Variants in ITPR1 observed in about 807,000 individuals in gnomAD.
The protein encoded by ITPR1 is inositol 1,4,5-trisphosphate receptor type 1, also known as inositol 1,4,5-trisphosphate-gated calcium channel ITPR1.
ITPR1 carries 96 observed loss-of-function variants against 318.4 expected under a neutral mutation model. The ratio of observed to expected loss-of-function variants is 0.30; its 90% CI spans 0.26 to 0.36. The LOEUF is 0.36. Among genes scored for constraint, ITPR1 ranks in the 10% least tolerant of loss-of-function variants. ITPR1 has a pLI of 1.00. For missense variants in ITPR1, 2,440 were observed against 3,460.2 expected, an observed-to-expected ratio of 0.71 and a Z score of 7.40; for synonymous variants, 1,312 against 1,289.9, an observed-to-expected ratio of 1.02 and a Z score of -0.37.
At chr3:4,576,918 T>C (rs978279577) in intron 4 of ITPR1, among the ~76,000 whole-genome samples, 1 of 152,236 alleles carries the variant, frequency 6.6e-6, no homozygotes, top group Non-Finnish European at 1.5e-5. Context: ...AACACTTATT[T>C]GTTTATTCAT....
At chr3:4,617,429 A>G (rs1272392502) in intron 4 of ITPR1, among the ~76,000 whole-genome samples, 2 of 152,102 alleles carry the variant, frequency 1.3e-5, no homozygotes, top group East Asian at 1.9e-4. Flanking sequence ...ATAGGGCAGA[A>G]GGACAAAAGA....
At chr3:4,525,092 T>C (rs2082872361) in intron 4 of ITPR1, among the ~76,000 whole-genome samples, 1 of 152,188 alleles carries the variant, frequency 6.6e-6, no homozygotes, top group South Asian at 2.1e-4. Flanking sequence ...TATTTTTTTT[T>C]TGTCTTCAAA....
At chr3:4,665,912 T>G (rs569553959) in intron 17 of ITPR1, among the ~76,000 whole-genome samples, 1 of 152,292 alleles carries the variant, frequency 6.6e-6, no homozygotes, top group Admixed American at 6.5e-5. Context: ...TGGGGGTAAT[T>G]TTGTCCCCCA....
intron 2 of ITPR1, among the ~76,000 whole-genome samples, chr3:4,498,986 T>C (rs1228362038): frequency 6.6e-6 from 1 of 152,212 alleles, no homozygotes; most frequent in East Asian, 1.9e-4. Context: ...ACCTCAAATT[T>C]TGTTACTTAT....
At chr3:4,832,328 C>A (rs925236745) in intron 60 of ITPR1, among the ~76,000 whole-genome samples, 15 of 152,126 alleles carry the variant, frequency 9.9e-5, no homozygotes, top group African/African-American at 3.6e-4. Flanking sequence ...AGGCTTTATC[C>A]CTAGGATGGG....
At position 4,757,557 on chromosome 3, in the gene ITPR1, T is replaced by C. The variant is rs555365717; in HGVS notation, c.5545-8973T>C. On this transcript the variant is annotated intron_variant, in intron 44 of 61. Transcript: ENST00000649015. ...CAGGGGAGAGGTGTTTAACAGAGCA[T>C]GTGGTTGGGAACAGGGCTGAGGCGT... Among the ~76,000 whole-genome samples, 607 of 152,134 alleles carry C rather than the reference T, an allele frequency of 4.0e-3. 2 individuals carry two copies. The highest frequency in any genetic ancestry group is 6.5e-3 in the Non-Finnish European group (440 of 67,984).
chr3:4,727,008 C>G, intron 41 of ITPR1, 118 bp from the exon 42 acceptor site: 5 of 828,704 alleles, frequency 6.0e-6, no homozygotes, highest in South Asian at 4.7e-5. Flanking sequence ...ACCTATTCTC[C>G]TTTTGTGTAA....
At chr3:4,692,132 A>AC (rs571232791) in intron 32 of ITPR1, among the ~76,000 whole-genome samples, 62,920 of 148,846 alleles carry the variant, frequency 0.42, 14,905 homozygotes, top group Non-Finnish European at 0.56. Context: ...ACAGAGTGAG[A>AC]CGTTGTCTCT....
At chr3:4,724,242 A>C (rs1353392803) in intron 40 of ITPR1, 3 of 152,230 alleles carry the variant, frequency 2.0e-5, no homozygotes, top group Non-Finnish European at 2.9e-5. Context: ...AAGTAGTTTA[A>C]TGCCCTGGAT....
At chr3:4,685,317 C>CTATTGTG in intron 30 of ITPR1, 111 bp downstream of exon 30, 1 of 1,098,482 alleles carries the variant, frequency 9.1e-7, no homozygotes. Context: ...TCCAGTGTGA[C>CTATTGTG]TATTGTGACT....
intron 4 of ITPR1, among the ~76,000 whole-genome samples, chr3:4,598,001 C>A (rs73104427): frequency 2.6e-5 from 4 of 152,144 alleles, no homozygotes; most frequent in African/African-American, 9.7e-5. Context: ...AGCTTTCCTG[C>A]GGTGTGATTC....
In ITPR1 at chr3:4,520,664, A is replaced by C. The variant is rs367849355; in HGVS notation, c.93-360A>C. ...CTCCCAAAGAGCAAGGGCCTGGCTC[A>C]TATTCACCTGGCACAAAGTCAGCTC... On this transcript the variant is annotated intron_variant, in intron 3 of 61. Coordinates refer to ENST00000649015, the MANE Select transcript of ITPR1 (RefSeq NM_001378452.1). Among the ~76,000 whole-genome samples the C allele has an allele frequency of 9.2e-5, 14 of 152,298 alleles. 1 individual carries two copies. The highest frequency in any genetic ancestry group is 3.4e-4 in the African/African-American group (14 of 41,566).
At chr3:4,816,359 T>G (rs2049301394) in intron 59 of ITPR1, 1 of 152,218 alleles carries the variant, frequency 6.6e-6, no homozygotes, top group Non-Finnish European at 1.5e-5. Context: ...AGGGTATGTA[T>G]TTTCCACAGG....
At chr3:4,673,076 C>T (rs1044600424) in intron 20 of ITPR1, 60 bp from the exon 21 acceptor site, 46 of 1,550,212 alleles carry the variant, frequency 3.0e-5, no homozygotes, top group Non-Finnish European at 3.8e-5. Context: ...CCAGACGACC[C>T]TTCATTCATC....
intron 10 of ITPR1, chr3:4,646,084 C>T (rs1280585372): frequency 4.7e-6 from 1 of 212,448 alleles, no homozygotes; most frequent in Non-Finnish European, 9.7e-6. Flanking sequence ...CTAATCCCTT[C>T]TATTGTTTTC....
intron 4 of ITPR1, among the ~76,000 whole-genome samples, chr3:4,542,472 A>C (rs1237190516): frequency 6.6e-6 from 1 of 152,084 alleles, no homozygotes; most frequent in Non-Finnish European, 1.5e-5. Context: ...TGTTTTAGGT[A>C]TTTTTTGCTT....
intron 42 of ITPR1, among the ~76,000 whole-genome samples, chr3:4,728,892 A>G (rs1436346305): frequency 2.0e-5 from 3 of 152,222 alleles, no homozygotes; most frequent in African/African-American, 7.2e-5. Flanking sequence ...TTCTCAGACT[A>G]GGACCAGAGA....
intron 4 of ITPR1, among the ~76,000 whole-genome samples, chr3:4,620,807 T>C (rs151287072): frequency 1.4e-3 from 215 of 152,174 alleles, no homozygotes; most frequent in African/African-American, 3.7e-3. Context: ...TTTTTGAATT[T>C]GAATCGGGAG....
intron 44 of ITPR1, among the ~76,000 whole-genome samples, chr3:4,746,700 A>G (rs2044133558): frequency 6.6e-6 from 1 of 152,258 alleles, no homozygotes; most frequent in African/African-American, 2.4e-5. Context: ...CTCAGTGTGT[A>G]CATGATGAAT....
Sources: allele counts gnomAD v4.1 joint callset (sites outside exome capture counted in the v4.1 genomes callset), GRCh38; gene constraint gnomAD v4.1.1; transcripts MANE v1.5; gene names NCBI Gene and HGNC (gene_info 2026-07-23, HGNC 2026-07-21).